The following KPNA1 variants were observed in gnomAD, a reference collection of about 807,000 sequenced individuals.
KPNA1 encodes importin subunit alpha-5.
In KPNA1, 10 loss-of-function variants were observed where a neutral mutation model predicts 70.5. The ratio of observed to expected loss-of-function variants is 0.14; its 90% CI spans 0.09 to 0.24. The LOEUF (loss-of-function observed/expected upper bound fraction) is 0.24. Ranked by LOEUF, KPNA1 falls within the 10% of genes least tolerant of loss-of-function variation. The pLI, the probability that KPNA1 is intolerant of heterozygous loss-of-function variation, is 1.00. For synonymous variants in KPNA1, 192 were observed against 221.9 expected (o/e 0.87, Z 1.20); for missense variants, 397 against 637.9 (o/e 0.62, Z 4.07).
chr3:122,483,817 T>G (rs2076598842), intron 2 of KPNA1, among the ~76,000 whole-genome samples: 1 of 152,176 alleles, frequency 6.6e-6, no homozygotes, highest in Non-Finnish European at 1.5e-5. Flanking sequence ...GAAAATAGTG[T>G]GGGATACTGA....
chr3:122,428,814 C>T (rs1020210077), intron 12 of KPNA1, among the ~76,000 whole-genome samples: 1 of 149,414 alleles, frequency 6.7e-6, no homozygotes, highest in Admixed American at 6.7e-5. Flanking sequence ...CAAAACGATA[C>T]TAGTATTCTA....
intron 5 of KPNA1, chr3:122,457,576 C>G (rs921024746): frequency 4.1e-6 from 2 of 493,360 alleles, no homozygotes; most frequent in African/African-American, 4.1e-5. Flanking sequence ...CATTATTTTT[C>G]ACTGTCCTGA....
chr3:122,427,724 C>A lies in KPNA1; in HGVS notation c.1251-8G>T, dbSNP rs2075840420. On this transcript the variant is annotated splice_region_variant and splice_polypyrimidine_tract_variant and intron_variant, in intron 12 of 13. Coordinates refer to ENST00000344337, the MANE Select transcript of KPNA1 (RefSeq NM_002264.4). ...CCCAGTTCTACTAGGTACCTAAATA[C>A]AAAGAATAATGTAGTCAAACAAAAC... The A allele has an allele frequency of 2.6e-6, 4 of 1,541,416 alleles. No homozygotes were observed. Among genetic ancestry groups the A allele is most frequent in the African/African-American group, 2.8e-5 (2 of 72,458 alleles).
At chr3:122,431,649 G>T (rs2075910695) in intron 12 of KPNA1, among the ~76,000 whole-genome samples, 1 of 152,126 alleles carries the variant, frequency 6.6e-6, no homozygotes, top group African/African-American at 2.4e-5. Context: ...CTGCTAGGAG[G>T]TTGGTAATTA....
intron 4 of KPNA1, 75 bp downstream of exon 4, chr3:122,463,867 G>C (rs2076352349): frequency 1.6e-6 from 1 of 636,644 alleles, no homozygotes; most frequent in African/African-American, 1.9e-5. Flanking sequence ...AATTACCTGT[G>C]GTATGAAAAA....
At chr3:122,451,115 A>T (rs1353566250) in intron 8 of KPNA1, among the ~76,000 whole-genome samples, 13 of 152,096 alleles carry the variant, frequency 8.5e-5, no homozygotes, top group Admixed American at 8.5e-4. Flanking sequence ...CATGTACCTA[A>T]ACACCACCTG....
In KPNA1 at chr3:122,496,558, G is replaced by T; in HGVS notation, c.8C>A (p.Thr3Asn). 6.2e-7 allele frequency: 1 copy of T among 1,613,708 alleles called. No homozygotes were observed. The highest frequency in any genetic ancestry group is 1.1e-5 in the South Asian group (1 of 91,064). MTTPGKENFRLKS... is the reference protein window; with the variant it reads MTNPGKENFRLKS... The stretch of plus-strand genomic sequence containing the variant: ...CAGGCGAAAGTTCTCTTTTCCTGGG[G>T]TGGTCATGATTTCTACAATACAAGT... Residue 3 changes from threonine to asparagine, a missense_variant, in exon 2 of 14, where the codon ACC (threonine) becomes AAC (asparagine). By Grantham distance (65) the Thr-to-Asn change is moderately conservative (BLOSUM62 0). Transcript: ENST00000344337.
chr3:122,485,809 A>C (rs1160365595), intron 2 of KPNA1, among the ~76,000 whole-genome samples: 1 of 152,222 alleles, frequency 6.6e-6, no homozygotes, highest in Non-Finnish European at 1.5e-5. Flanking sequence ...ACCACAAAGA[A>C]GTATATAAGA....
Position 122,467,312 on chromosome 3 carries a change from A to G in KPNA1, c.237+10T>C. ...ATCACAAAAACACTGAAAAGAGTTCATTATCTTACTGGTGCCATCTCCATG... is the reference window on the plus strand; with the variant it reads ...ATCACAAAAACACTGAAAAGAGTTCGTTATCTTACTGGTGCCATCTCCATG... On this transcript the variant is annotated intron_variant, in intron 3 of 13. Coordinates refer to ENST00000344337, the MANE Select transcript of KPNA1 (RefSeq NM_002264.4). 7.1e-7 allele frequency: 1 copy of G among 1,404,664 alleles called. No individual in the cohort carries two copies. Among genetic ancestry groups the G allele is most frequent in the Non-Finnish European group, 1.0e-6 (1 of 996,782 alleles). 87.0% of individuals were successfully genotyped at this position (1,404,664 alleles called of 1,614,324 possible). A position where few individuals can be genotyped will look rare whatever the true frequency, so the allele number is the denominator to read the frequency against.
intron 1 of KPNA1, among the ~76,000 whole-genome samples, chr3:122,512,827 C>T (rs2076969853): frequency 6.6e-6 from 1 of 152,220 alleles, no homozygotes; most frequent in African/African-American, 2.4e-5. Context: ...TGTTTTGTTG[C>T]CCTACAGGAC....
intron 2 of KPNA1, among the ~76,000 whole-genome samples, chr3:122,468,285 A>C (rs2076403795): frequency 2.0e-5 from 3 of 152,192 alleles, no homozygotes; most frequent in Admixed American, 6.5e-5. Flanking sequence ...GATTTGAGAA[A>C]ACACAGTTCA....
At chr3:122,483,689 AG>A (rs2076597426) in intron 2 of KPNA1, among the ~76,000 whole-genome samples, 1 of 152,178 alleles carries the variant, frequency 6.6e-6, no homozygotes, top group Admixed American at 6.5e-5. Context: ...TAAGTTTTCT[AG>A]TAGCTCTAGA....
chr3:122,446,062 CAAT>C (rs1393696892), intron 9 of KPNA1, among the ~76,000 whole-genome samples: 1 of 152,128 alleles, frequency 6.6e-6, no homozygotes, highest in Non-Finnish European at 1.5e-5. Context: ...CACTCCCACG[CAAT>C]AATAATGGGA....
At chr3:122,469,465 C>T (rs185157116) in intron 2 of KPNA1, among the ~76,000 whole-genome samples, 2 of 152,352 alleles carry the variant, frequency 1.3e-5, no homozygotes, top group Admixed American at 6.5e-5. Context: ...TGAATACACA[C>T]TTACACGCAG....
intron 2 of KPNA1, among the ~76,000 whole-genome samples, chr3:122,481,866 C>A (rs1258498536): frequency 2.0e-5 from 3 of 152,104 alleles, no homozygotes; most frequent in Non-Finnish European, 4.4e-5. Flanking sequence ...TATATCTATT[C>A]AACTAGGAAC....
chr3:122,498,302 TAA>T (rs2076786503), intron 1 of KPNA1, among the ~76,000 whole-genome samples: 4 of 152,138 alleles, frequency 2.6e-5, no homozygotes, highest in Admixed American at 2.6e-4. Flanking sequence ...TTAAAGCCCT[TAA>T]AAAGAGACCC....
chr3:122,452,765 CGGAGAGAA>C (rs1172871932), intron 6 of KPNA1, among the ~76,000 whole-genome samples: 1 of 142,296 alleles, frequency 7.0e-6, no homozygotes, highest in Non-Finnish European at 1.5e-5. Flanking sequence ...GAAGGAGAGA[CGGAGAGAA>C]GGAGAGATGG....
rs149233923 is a variant in KPNA1, at chr3:122,457,538, G to A, written c.433-3537C>T. On this transcript the variant is annotated intron_variant, in intron 5 of 13. Transcript: ENST00000344337. Reference sequence around the variant, plus strand: ...CAAGGAAACAAGCTATCATGCAGCTGGAACTACTTATAAACTGTAATTCCA... The same window carrying A: ...CAAGGAAACAAGCTATCATGCAGCTAGAACTACTTATAAACTGTAATTCCA... Among the ~76,000 whole-genome samples the A allele has an allele frequency of 1.2e-3, 183 of 152,228 alleles. 1 individual carries two copies. The highest frequency in any genetic ancestry group is 4.2e-3 in the African/African-American group (173 of 41,536).
chr3:122,453,053 A>G (rs1298839700), intron 6 of KPNA1, among the ~76,000 whole-genome samples: 1 of 151,726 alleles, frequency 6.6e-6, no homozygotes, highest in Non-Finnish European at 1.5e-5. Context: ...GCTCAAGTGA[A>G]CCCTCCCACC....
Sources: allele counts gnomAD v4.1 joint callset (sites outside exome capture counted in the v4.1 genomes callset), GRCh38; gene constraint gnomAD v4.1.1; transcripts MANE v1.5; gene names NCBI Gene and HGNC (gene_info 2026-07-23, HGNC 2026-07-21).